Variants in THOC7 observed in about 807,000 individuals in gnomAD.
The protein encoded by THOC7 is NIF3L1-binding protein 1.
In THOC7, 22 loss-of-function variants were observed where a neutral mutation model predicts 33.1. The observed-to-expected ratio is 0.66, with a 90% confidence interval of 0.47 to 0.95. The LOEUF is 0.95. Ranked by LOEUF, THOC7 falls within the 40% of genes least tolerant of loss-of-function variation. The probability of loss-of-function intolerance (pLI) is 0.00; values close to 1 mark genes in which losing one functional copy is unlikely to be tolerated. For missense variants in THOC7, 184 were observed against 245.3 expected, an observed-to-expected ratio of 0.75 and a Z score of 1.67; for synonymous variants, 77 against 76.8, an observed-to-expected ratio of 1.00 and a Z score of -0.01.
intron 1 of THOC7, among the ~76,000 whole-genome samples, chr3:63,845,793 C>G (rs1478990960): frequency 1.3e-5 from 2 of 152,100 alleles, no homozygotes; most frequent in Non-Finnish European, 2.9e-5. Context: ...ATCTGAGTAC[C>G]CTCCCTTCTG....
intron 1 of THOC7, chr3:63,863,407 C>T: frequency 7.5e-6 from 8 of 1,061,766 alleles, no homozygotes; most frequent in Non-Finnish European, 9.1e-6. Context: ...CCTAGACAAA[C>T]CCGGACTCCC....
chr3:63,856,251 C>T (rs1195693340), intron 1 of THOC7, among the ~76,000 whole-genome samples: 1 of 151,262 alleles, frequency 6.6e-6, no homozygotes, highest in Non-Finnish European at 1.5e-5. Flanking sequence ...CTGGGAAGAG[C>T]TGTGGGGTGT....
At chr3:63,853,451 A>G (rs1702055492) in intron 1 of THOC7, among the ~76,000 whole-genome samples, 1 of 152,210 alleles carries the variant, frequency 6.6e-6, no homozygotes, top group African/African-American at 2.4e-5. Flanking sequence ...GCATGTGTGT[A>G]TATTCACGTA....
chr3:63,838,246 T>A, intron 3 of THOC7, 126 bp downstream of exon 3: 2 of 915,948 alleles, frequency 2.2e-6, no homozygotes, highest in Non-Finnish European at 3.2e-6. Context: ...TAACATTTAC[T>A]GTATTCTTTC....
intron 1 of THOC7, among the ~76,000 whole-genome samples, chr3:63,843,412 C>T (rs1169978421): frequency 6.6e-6 from 1 of 152,136 alleles, no homozygotes; most frequent in African/African-American, 2.4e-5. Context: ...GCCACTGTGC[C>T]AGGCCTCAAT....
intron 1 of THOC7, among the ~76,000 whole-genome samples, chr3:63,851,829 A>G (rs981067235): frequency 6.6e-6 from 1 of 152,114 alleles, no homozygotes; most frequent in African/African-American, 2.4e-5. Context: ...ATTCTATTTT[A>G]TGGAATGATG....
intron 1 of THOC7, chr3:63,846,282 C>A (rs751875506): frequency 3.0e-5 from 13 of 429,068 alleles, no homozygotes; most frequent in Admixed American, 7.7e-5. Context: ...AGATAATCCC[C>A]AAGCGACTTG....
chr3:63,846,210 T>C (rs1231020630), intron 1 of THOC7: 5 of 452,012 alleles, frequency 1.1e-5, no homozygotes, highest in South Asian at 7.8e-5. Flanking sequence ...CTGAATTGCC[T>C]TTCTTCCCTG....
At chr3:63,840,637 T>A (rs1381573434) in intron 1 of THOC7, among the ~76,000 whole-genome samples, 1 of 152,184 alleles carries the variant, frequency 6.6e-6, no homozygotes, top group Non-Finnish European at 1.5e-5. Flanking sequence ...ATGACAATGA[T>A]GGCCAACAAG....
rs924763835 is a variant in THOC7 at position 63,839,646 on chromosome 3, A to G, written c.137+10T>C. ...ACACTGGTATGGAAACAACAGTGAAAATGAAATACCCCTCTTCCTGGGACC... is the reference window on the plus strand; with the variant it reads ...ACACTGGTATGGAAACAACAGTGAAGATGAAATACCCCTCTTCCTGGGACC... On this transcript the variant is annotated intron_variant, in intron 2 of 7. Coordinates refer to ENST00000295899, the MANE Select transcript of THOC7 (RefSeq NM_025075.4). The G allele has an allele frequency of 8.1e-6, 13 of 1,609,224 alleles. No individual in the cohort carries two copies. The highest frequency in any genetic ancestry group is 1.0e-5 in the Non-Finnish European group (12 of 1,177,498).
intron 1 of THOC7, among the ~76,000 whole-genome samples, chr3:63,852,595 G>C (rs1702039983): frequency 6.6e-6 from 1 of 152,174 alleles, no homozygotes; most frequent in Admixed American, 6.5e-5. Flanking sequence ...GGCTGGATGA[G>C]TGAAGACAAA....
chr3:63,856,723 ATT>A (rs559642524), intron 1 of THOC7, among the ~76,000 whole-genome samples: 3 of 145,430 alleles, frequency 2.1e-5, no homozygotes, highest in Non-Finnish European at 4.6e-5. Flanking sequence ...AGCATTATAG[ATT>A]TTTTTTTTTT....
intron 1 of THOC7, among the ~76,000 whole-genome samples, chr3:63,857,858 T>C (rs1350282740): frequency 6.6e-6 from 1 of 152,228 alleles, no homozygotes; most frequent in African/African-American, 2.4e-5. Context: ...TAGAGTAGTA[T>C]AGTGCTAATA....
intron 1 of THOC7, chr3:63,863,432 C>T: frequency 9.0e-7 from 1 of 1,108,386 alleles, no homozygotes; most frequent in Non-Finnish European, 1.1e-6. Flanking sequence ...GTCCCACCCG[C>T]CCTTGCACCG....
At chr3:63,857,655 G>A (rs972297637) in intron 1 of THOC7, among the ~76,000 whole-genome samples, 21 of 152,128 alleles carry the variant, frequency 1.4e-4, no homozygotes, top group South Asian at 4.1e-4. Flanking sequence ...AAAGGTGGGT[G>A]GAAGGAACAA....
chr3:63,843,104 G>A (rs73120898), intron 1 of THOC7, among the ~76,000 whole-genome samples: 15,573 of 148,854 alleles, frequency 0.1, 938 homozygotes, highest in Middle Eastern at 0.16. Context: ...TCCAAAAACC[G>A]TATGTATATT....
chr3:63,848,845 A>G (rs1443041644), intron 1 of THOC7, among the ~76,000 whole-genome samples: 1 of 152,200 alleles, frequency 6.6e-6, no homozygotes, highest in Non-Finnish European at 1.5e-5. Context: ...TTTAAAAGCT[A>G]TCTATAGCTT....
At chr3:63,839,832 A>G (rs1010374386) in intron 1 of THOC7, 59 bp from the exon 2 acceptor site, 3 of 1,335,074 alleles carry the variant, frequency 2.2e-6, no homozygotes, top group African/African-American at 2.9e-5. Flanking sequence ...AGTACAAATA[A>G]CCAGTATCAC....
intron 1 of THOC7, among the ~76,000 whole-genome samples, chr3:63,840,945 T>C (rs1003153213): frequency 2.6e-5 from 4 of 152,238 alleles, no homozygotes; most frequent in East Asian, 3.8e-4. Flanking sequence ...GTTTGTCCTA[T>C]AGAAGTGCAC....
Sources: allele counts gnomAD v4.1 joint callset (sites outside exome capture counted in the v4.1 genomes callset), GRCh38; gene constraint gnomAD v4.1.1; transcripts MANE v1.5; gene names NCBI Gene and HGNC (gene_info 2026-07-23, HGNC 2026-07-21).